Variants in DNAH8 observed in about 807,000 individuals in gnomAD.
The protein encoded by DNAH8 is dynein axonemal heavy chain 8, also known as axonemal beta dynein heavy chain 8.
DNAH8 carries 382 observed loss-of-function variants against 562.1 expected under a neutral mutation model. The observed-to-expected ratio is 0.68, with a 90% CI of 0.63 to 0.74. DNAH8 has a LOEUF of 0.74. Ranked by LOEUF, DNAH8 falls within the 30% of genes least tolerant of loss-of-function variation. DNAH8 has a pLI of 0.00. For synonymous variants in DNAH8, 1,881 were observed against 1,919.4 expected (o/e 0.98, Z 0.52); for missense variants, 5,203 against 5,620.4 (o/e 0.93, Z 2.37).
intron 9 of DNAH8, among the ~76,000 whole-genome samples, chr6:38,754,572 T>C (rs541859921): frequency 1.3e-5 from 2 of 152,240 alleles, no homozygotes; most frequent in South Asian, 4.2e-4. Context: ...AAACACATTT[T>C]ATATATTTTA....
intron 26 of DNAH8, among the ~76,000 whole-genome samples, chr6:38,816,095 T>G (rs1214338523): frequency 2.0e-5 from 3 of 151,648 alleles, no homozygotes; most frequent in African/African-American, 7.3e-5. Context: ...TTATTTTAGT[T>G]CTAGGGTACA....
intron 5 of DNAH8, among the ~76,000 whole-genome samples, chr6:38,735,762 A>G (rs936538872): frequency 1.3e-5 from 2 of 152,230 alleles, no homozygotes; most frequent in Non-Finnish European, 2.9e-5. Context: ...TCCAGAAGCA[A>G]CTATTAAACC....
rs775684093 is a variant in DNAH8, at chr6:38,761,663, T to C, written c.1516-39T>C. On this transcript the variant is annotated intron_variant, in intron 10 of 92. Coordinates refer to ENST00000327475, the MANE Select transcript of DNAH8 (RefSeq NM_001206927.2). ...AATTTATATATAAATGTTATTTCTC[T>C]TTTTACATATAATTATTTTGTACCT... The C allele has an allele frequency of 3.5e-6, 4 of 1,147,514 alleles. No homozygotes were observed. In the African/African-American group the frequency reaches 4.9e-5, roughly 14 times the overall value. 71.1% of individuals were successfully genotyped at this position (1,147,514 alleles called of 1,614,324 possible). A position where few individuals can be genotyped will look rare whatever the true frequency, so the allele number is the denominator to read the frequency against.
chr6:38,998,509 A>T (rs1232774808), intron 88 of DNAH8, among the ~76,000 whole-genome samples: 3 of 152,218 alleles, frequency 2.0e-5, no homozygotes, highest in Non-Finnish European at 4.4e-5. Context: ...ATTTCAATGC[A>T]ATACAAATTG....
intron 91 of DNAH8, among the ~76,000 whole-genome samples, chr6:39,024,725 A>G (rs1362674292): frequency 6.6e-6 from 1 of 152,232 alleles, no homozygotes; most frequent in Non-Finnish European, 1.5e-5. Context: ...GTGACTCCAC[A>G]CAGAGCACAG....
At position 38,823,861 on chromosome 6, in the gene DNAH8, A is replaced by G. The variant is rs1627917; in HGVS notation, c.3847+173A>G. On this transcript the variant is annotated intron_variant, in intron 28 of 92. Coordinates refer to ENST00000327475, the MANE Select transcript of DNAH8 (RefSeq NM_001206927.2). ...TTATACCAAGATATATTATAATATTATTATACCATTAAAAGTAATGGCAAA... is the reference window on the plus strand; with the variant it reads ...TTATACCAAGATATATTATAATATTGTTATACCATTAAAAGTAATGGCAAA... Among the ~76,000 whole-genome samples the G allele has an allele frequency of 0.21, 31,541 of 151,882 alleles. 4,065 individuals carry two copies. The highest frequency in any genetic ancestry group is 0.36 in the African/African-American group (14,747 of 41,364).
intron 21 of DNAH8, among the ~76,000 whole-genome samples, chr6:38,792,887 T>A (rs942158522): frequency 1.3e-5 from 2 of 152,076 alleles, no homozygotes; most frequent in African/African-American, 2.4e-5. Context: ...CAAGTGATCT[T>A]CCCATTTCAG....
intron 10 of DNAH8, among the ~76,000 whole-genome samples, chr6:38,760,556 G>A (rs1766393334): frequency 6.6e-6 from 1 of 151,156 alleles, no homozygotes; most frequent in Non-Finnish European, 1.5e-5. Flanking sequence ...GTCCTCTTTT[G>A]CCTGGGATTA....
intron 12 of DNAH8, among the ~76,000 whole-genome samples, chr6:38,773,934 T>C (rs1048064169): frequency 2.6e-5 from 4 of 152,136 alleles, no homozygotes; most frequent in African/African-American, 7.2e-5. Flanking sequence ...CAGACAAGAC[T>C]GATGTTGGGG....
chr6:39,019,932 G>A lies in DNAH8; in HGVS notation c.13715-6614G>A, dbSNP rs374049821. Among the ~76,000 whole-genome samples, 707 of 152,252 alleles carry A rather than the reference G, an allele frequency of 4.6e-3. 6 individuals are homozygous for A. The highest frequency in any genetic ancestry group is 0.015 in the African/African-American group (643 of 41,556). On this transcript the variant is annotated intron_variant, in intron 91 of 92. Transcript: ENST00000327475. ...AGGACAAGGTCTTTAGGGTTGAGCC[G>A]GGGCAACCTGGCGGAAGGTGGAAAG...
rs147044154 is a variant in DNAH8, at chr6:38,857,550, A to C, written c.5766A>C (p.Thr1922=). The C allele has an allele frequency of 4.3e-6, 7 of 1,613,534 alleles. No individual in the cohort carries two copies. In the African/African-American group the frequency reaches 9.3e-5, roughly 22 times the overall value. The change falls in exon 42 of 93, where the codon ACA becomes ACC. Residue 1922 remains threonine (T), a synonymous_variant. Transcript: ENST00000327475. The part of the protein sequence containing the change: ...VGLLGIQMLW[T]HDSEEALRNA... ...TTCTGGGAATTCAGATGTTGTGGAC[A>C]CACGATTCAGAAGAGGCTTTACGTA...
chr6:38,861,049 C>T (rs1266517379), intron 43 of DNAH8, among the ~76,000 whole-genome samples: 1 of 151,764 alleles, frequency 6.6e-6, no homozygotes, highest in African/African-American at 2.4e-5. Flanking sequence ...CAGATCCCGT[C>T]ACAATTCTTT....
intron 82 of DNAH8, among the ~76,000 whole-genome samples, chr6:38,965,066 AAAAT>A: frequency 1.1e-3 from 2 of 1,838 alleles, no homozygotes; most frequent in East Asian, 0.5. Context: ...TCTGTCTCAA[AAAAT>A]AAAATAAAAT....
intron 21 of DNAH8, among the ~76,000 whole-genome samples, chr6:38,800,961 A>G (rs1199045237): frequency 1.3e-5 from 2 of 152,166 alleles, no homozygotes; most frequent in Non-Finnish European, 2.9e-5. Context: ...TATCAGATAT[A>G]TGATTTACAG....
At chr6:38,799,503 G>A (rs557854191) in intron 21 of DNAH8, among the ~76,000 whole-genome samples, 2 of 151,988 alleles carry the variant, frequency 1.3e-5, no homozygotes, top group Admixed American at 6.5e-5. Flanking sequence ...CCAAATGCTC[G>A]CACATGCTAT....
intron 36 of DNAH8, 136 bp downstream of exon 36, chr6:38,845,909 C>T (rs1775260168): frequency 1.4e-6 from 1 of 693,366 alleles, no homozygotes; most frequent in East Asian, 2.7e-5. Context: ...TGTTCCTATA[C>T]AAACTGCCCG....
intron 37 of DNAH8, among the ~76,000 whole-genome samples, chr6:38,849,096 A>C (rs1377939893): frequency 6.6e-6 from 1 of 152,136 alleles, no homozygotes; most frequent in East Asian, 1.9e-4. Context: ...TTCACAGAAA[A>C]AGTTTTTTAG....
rs1237491098 is a variant in DNAH8, at chr6:39,012,204, C to T, written c.13372-11C>T. ...AAAATCTCCTTTATTGCATTGTTTA[C>T]TTTGTTTTAGGTGAAATCTCGTTTG... On this transcript the variant is annotated splice_polypyrimidine_tract_variant and intron_variant, in intron 89 of 92. Coordinates refer to ENST00000327475, the MANE Select transcript of DNAH8 (RefSeq NM_001206927.2). The T allele has an allele frequency of 6.3e-7, 1 of 1,585,060 alleles. No individual in the cohort carries two copies. Among genetic ancestry groups the T allele is most frequent in the Non-Finnish European group, 8.6e-7 (1 of 1,161,164 alleles).
At chr6:38,843,857 C>T (rs75096985) in intron 35 of DNAH8, among the ~76,000 whole-genome samples, 2,169 of 152,206 alleles carry the variant, frequency 0.014, 21 homozygotes, top group Non-Finnish European at 0.02. Context: ...CCGTTTGTGT[C>T]TTCGTTTTCC....
Sources: allele counts gnomAD v4.1 joint callset (sites outside exome capture counted in the v4.1 genomes callset), GRCh38; gene constraint gnomAD v4.1.1; transcripts MANE v1.5; gene names NCBI Gene and HGNC (gene_info 2026-07-23, HGNC 2026-07-21).